CLDN16: variants seen among roughly 807,000 people sequenced by gnomAD.
CLDN16 encodes claudin-16.
CLDN16 carries 13 observed loss-of-function variants against 24.6 expected under a neutral mutation model. The observed-to-expected ratio is 0.53, with a 90% CI of 0.34 to 0.84. CLDN16 has a LOEUF of 0.84. Ranked by LOEUF, CLDN16 falls within the 40% of genes least tolerant of loss-of-function variation. The pLI, the probability that CLDN16 is intolerant of heterozygous loss-of-function variation, is 0.01. For missense variants in CLDN16, 298 were observed against 292.7 expected, an observed-to-expected ratio of 1.02 and a Z score of -0.13; for synonymous variants, 116 against 106.7, an observed-to-expected ratio of 1.09 and a Z score of -0.54.
intron 1 of CLDN16, among the ~76,000 whole-genome samples, chr3:190,341,204 T>A (rs1467435533): frequency 1.3e-5 from 2 of 152,198 alleles, no homozygotes; most frequent in African/African-American, 4.8e-5. Flanking sequence ...GTAGGGACTC[T>A]ATGTGGGGGC....
Position 190,410,157 on chromosome 3 carries a change from A to G in CLDN16, c.*121A>G, listed in dbSNP as rs1010771548. 1 of 1,157,124 alleles carries G rather than the reference A, an allele frequency of 8.6e-7. No individual in the cohort carries two copies. The highest frequency in any genetic ancestry group is 1.9e-5 in the Admixed American group (1 of 54,006). 71.7% of individuals were successfully genotyped at this position (1,157,124 alleles called of 1,614,324 possible). ...TTCATATTGAATTAAATTAATTGCT[A>G]GCTTAATCAAAATGTTTGATTCTCC... On this transcript the variant is annotated 3_prime_UTR_variant, in exon 5 of 5. Transcript: ENST00000264734.
At chr3:190,322,626 C>G (rs1282525721) in exon 1 of CLDN16, 2 of 266,994 alleles carry the variant, frequency 7.5e-6, no homozygotes, top group East Asian at 1.1e-4. Context: ...AGAGCTGCGT[C>G]CCTGCTCGCT....
chr3:190,356,236 G>A (rs1717768109), intron 1 of CLDN16, among the ~76,000 whole-genome samples: 1 of 151,402 alleles, frequency 6.6e-6, no homozygotes. Context: ...GCATTTTATG[G>A]AGTTAATAAA....
At chr3:190,295,089 A>C in the CLDN16 span, among the ~76,000 whole-genome samples, 1 of 152,152 alleles carries the variant, frequency 6.6e-6, no homozygotes, top group Admixed American at 6.5e-5. Context: ...TATTATAGGC[A>C]AGACACGCTC....
upstream of CLDN16, among the ~76,000 whole-genome samples, chr3:190,320,458 T>C (rs115533622): frequency 4.0e-3 from 602 of 152,246 alleles, 3 homozygotes; most frequent in African/African-American, 0.014. Flanking sequence ...TAAGTACAAA[T>C]ATAACCCCTG....
At chr3:190,400,302 G>A (rs558221727) in intron 1 of CLDN16, among the ~76,000 whole-genome samples, 1 of 152,066 alleles carries the variant, frequency 6.6e-6, no homozygotes, top group Admixed American at 6.5e-5. Flanking sequence ...GCAGTGGCGC[G>A]ATCTCGGCTC....
chr3:190,314,012 T>C, the CLDN16 span, among the ~76,000 whole-genome samples: 9 of 152,242 alleles, frequency 5.9e-5, no homozygotes, highest in African/African-American at 2.2e-4. Flanking sequence ...CACTATATCA[T>C]TGACAGTGAT....
the CLDN16 span, among the ~76,000 whole-genome samples, chr3:190,301,542 T>C: frequency 1.3e-5 from 2 of 152,044 alleles, no homozygotes; most frequent in Non-Finnish European, 2.9e-5. Flanking sequence ...TATCATCATG[T>C]CCAAAATGAA....
the CLDN16 span, among the ~76,000 whole-genome samples, chr3:190,296,551 T>TA: frequency 6.7e-6 from 1 of 148,878 alleles, no homozygotes; most frequent in Admixed American, 6.7e-5. Context: ...AGATTTAATT[T>TA]TTTTTTTTTT....
intron 1 of CLDN16, among the ~76,000 whole-genome samples, chr3:190,329,640 G>A (rs1429542487): frequency 6.6e-6 from 1 of 152,192 alleles, no homozygotes; most frequent in Non-Finnish European, 1.5e-5. Context: ...ATGAGGAAAA[G>A]TGGGTATTAG....
intron 3 of CLDN16, among the ~76,000 whole-genome samples, chr3:190,407,091 G>A (rs903136276): frequency 1.3e-5 from 2 of 152,010 alleles, no homozygotes; most frequent in Admixed American, 1.3e-4. Flanking sequence ...GAAGAATACA[G>A]TTAAATAGTG....
chr3:190,297,125 G>C, the CLDN16 span, among the ~76,000 whole-genome samples: 27 of 152,024 alleles, frequency 1.8e-4, no homozygotes, highest in Admixed American at 1.3e-3. Context: ...ATGTTTCATT[G>C]TAGAGTGAGT....
At chr3:190,368,703 A>T (rs1718073205) in intron 1 of CLDN16, among the ~76,000 whole-genome samples, 1 of 151,966 alleles carries the variant, frequency 6.6e-6, no homozygotes. Flanking sequence ...TGTGTGTATG[A>T]GGAGGCCAGA....
intron 1 of CLDN16, among the ~76,000 whole-genome samples, chr3:190,328,322 G>C (rs1717113583): frequency 6.6e-6 from 1 of 151,972 alleles, no homozygotes; most frequent in East Asian, 1.9e-4. Flanking sequence ...TGATTTTTGG[G>C]ATAAGACAGA....
intron 1 of CLDN16, among the ~76,000 whole-genome samples, chr3:190,343,078 T>A (rs1284188140): frequency 6.6e-6 from 1 of 152,084 alleles, no homozygotes; most frequent in Non-Finnish European, 1.5e-5. Context: ...AGGGTTAATA[T>A]AAAAGATTTA....
At chr3:190,351,001 A>G (rs1717661219) in intron 1 of CLDN16, among the ~76,000 whole-genome samples, 1 of 151,872 alleles carries the variant, frequency 6.6e-6, no homozygotes, top group African/African-American at 2.4e-5. Context: ...GCATAGTGGG[A>G]GGTGTTGGGT....
intron 1 of CLDN16, among the ~76,000 whole-genome samples, chr3:190,398,551 A>G (rs1436582394): frequency 6.6e-6 from 1 of 152,194 alleles, no homozygotes; most frequent in African/African-American, 2.4e-5. Context: ...ACATTTTCAA[A>G]GATCCTTTTT....
the CLDN16 span, among the ~76,000 whole-genome samples, chr3:190,295,276 C>G: frequency 6.6e-6 from 1 of 152,056 alleles, no homozygotes; most frequent in Non-Finnish European, 1.5e-5. Context: ...TTTAAAATAT[C>G]TATGACCTGC....
chr3:190,327,242 C>T (rs1717085495), intron 1 of CLDN16, among the ~76,000 whole-genome samples: 1 of 152,160 alleles, frequency 6.6e-6, no homozygotes, highest in South Asian at 2.1e-4. Context: ...TCTGGGAAAC[C>T]TCCGTATTTC....
Sources: allele counts gnomAD v4.1 joint callset (sites outside exome capture counted in the v4.1 genomes callset), GRCh38; gene constraint gnomAD v4.1.1; transcripts MANE v1.5; gene names NCBI Gene and HGNC (gene_info 2026-07-23, HGNC 2026-07-21).